The following GRM7 variants were observed in gnomAD, a reference collection of about 807,000 sequenced individuals.
GRM7 encodes metabotropic glutamate receptor 7.
In GRM7, 35 loss-of-function variants were observed where a neutral mutation model predicts 84.5. That is an observed-to-expected ratio of 0.41 (90% confidence interval 0.32 to 0.55). GRM7 has a LOEUF of 0.55. Ranked by LOEUF, GRM7 falls within the 20% of genes least tolerant of loss-of-function variation. The pLI, the probability that GRM7 is intolerant of heterozygous loss-of-function variation, is 0.19. For missense variants in GRM7, 1,003 were observed against 1,194.6 expected, an observed-to-expected ratio of 0.84 and a Z score of 2.36; for synonymous variants, 487 against 455.1, an observed-to-expected ratio of 1.07 and a Z score of -0.89.
chr3:7,691,369 C>A, intron 9 of GRM7: 1 of 661,480 alleles, frequency 1.5e-6, no homozygotes, highest in Non-Finnish European at 2.2e-6. Context: ...CTGGCATGTG[C>A]TATCTTTTTC....
At chr3:7,103,204 A>G (rs1200552018) in intron 1 of GRM7, among the ~76,000 whole-genome samples, 1 of 151,898 alleles carries the variant, frequency 6.6e-6, no homozygotes, top group African/African-American at 2.4e-5. Flanking sequence ...CTAGTATGCT[A>G]GTAAAAATCC....
intron 8 of GRM7, among the ~76,000 whole-genome samples, chr3:7,616,883 C>T (rs1697105957): frequency 6.6e-6 from 1 of 152,070 alleles, no homozygotes; most frequent in Non-Finnish European, 1.5e-5. Flanking sequence ...GGAAAGATTA[C>T]TAGCTCTAAA....
At chr3:7,673,982 T>A (rs1700034010) in intron 8 of GRM7, among the ~76,000 whole-genome samples, 1 of 152,122 alleles carries the variant, frequency 6.6e-6, no homozygotes, top group South Asian at 2.1e-4. Flanking sequence ...GAGCCATAAC[T>A]TCAGAAAGGG....
chr3:6,970,756 G>A (rs1206354893), intron 1 of GRM7, among the ~76,000 whole-genome samples: 1 of 152,176 alleles, frequency 6.6e-6, no homozygotes, highest in Non-Finnish European at 1.5e-5. Context: ...GAGGCGGGCG[G>A]ATCACGAGGT....
intron 7 of GRM7, among the ~76,000 whole-genome samples, chr3:7,470,660 C>A (rs750213895): frequency 7.9e-5 from 12 of 152,074 alleles, no homozygotes; most frequent in Non-Finnish European, 1.5e-4. Context: ...ACTCCAGATT[C>A]TCTGTGGAAA....
intron 1 of GRM7, among the ~76,000 whole-genome samples, chr3:6,948,134 T>G (rs1698161092): frequency 1.3e-5 from 2 of 151,566 alleles, no homozygotes; most frequent in South Asian, 4.2e-4. Context: ...TCTAGTTCTT[T>G]TAATTGTGAT....
rs76711310 is a variant in GRM7 at position 7,668,280 on chromosome 3, G to T, written c.2452-11769G>T. On this transcript the variant is annotated intron_variant, in intron 8 of 9. Coordinates refer to ENST00000357716, the MANE Select transcript of GRM7 (RefSeq NM_000844.4). Reference sequence around the variant, plus strand: ...GTTTTCTGTGATTATGCCAGGCATGGAGCCAAAGATTGGAAATGGAATCTC... The same window carrying T: ...GTTTTCTGTGATTATGCCAGGCATGTAGCCAAAGATTGGAAATGGAATCTC... Among the ~76,000 whole-genome samples, 626 of 152,246 alleles carry T rather than the reference G, an allele frequency of 4.1e-3. 7 individuals are homozygous for T. The highest frequency in any genetic ancestry group is 0.014 in the African/African-American group (592 of 41,544).
At chr3:6,938,204 A>G (rs1697756257) in intron 1 of GRM7, among the ~76,000 whole-genome samples, 1 of 152,210 alleles carries the variant, frequency 6.6e-6, no homozygotes, top group South Asian at 2.1e-4. Context: ...CACCATTTTG[A>G]ACTGAAATTG....
intron 4 of GRM7, among the ~76,000 whole-genome samples, chr3:7,380,351 T>G (rs1694536326): frequency 1.7e-5 from 1 of 57,568 alleles, no homozygotes; most frequent in African/African-American, 7.2e-5. Context: ...CTGCGCATCA[T>G]ATTTAGTTCA....
intron 1 of GRM7, among the ~76,000 whole-genome samples, chr3:6,919,819 A>C (rs1281168523): frequency 6.6e-6 from 1 of 152,118 alleles, no homozygotes; most frequent in Admixed American, 6.6e-5. Flanking sequence ...GATTTGACTA[A>C]AACATACTCC....
intron 2 of GRM7, among the ~76,000 whole-genome samples, chr3:7,185,422 A>G (rs1459629293): frequency 6.6e-6 from 1 of 152,166 alleles, no homozygotes; most frequent in East Asian, 1.9e-4. Flanking sequence ...AGAGCTCAAG[A>G]CAATCTATAC....
chr3:7,578,738 C>G lies in GRM7; in HGVS notation c.1832C>G (p.Thr611Ser). The G allele has an allele frequency of 6.2e-7, 1 of 1,614,154 alleles. No individual in the cohort carries two copies. The highest frequency in any genetic ancestry group is 8.5e-7 in the Non-Finnish European group (1 of 1,180,000). ...ATTGCCACCATCTTTGTCATGGCCA[C>G]TTTCATCCGCTACAATGACACGCCC... ...GIIATIFVMA[T>S]FIRYNDTPIV... The change falls in exon 8 of 10, where the codon ACT (threonine) becomes AGT (serine). Residue 611 changes from threonine (T) to serine (S), a missense_variant. Transcript: ENST00000357716.
At chr3:7,044,570 A>T (rs749545951) in intron 1 of GRM7, among the ~76,000 whole-genome samples, 1 of 152,218 alleles carries the variant, frequency 6.6e-6, no homozygotes, top group Non-Finnish European at 1.5e-5. Context: ...AGAAAGCCGC[A>T]GTGACGTTTT....
At position 7,317,788 on chromosome 3, in the gene GRM7, G is replaced by C. The variant is rs539245659; in HGVS notation, c.1033+11136G>C. On this transcript the variant is annotated intron_variant, in intron 4 of 9. Coordinates refer to ENST00000357716, the MANE Select transcript of GRM7 (RefSeq NM_000844.4). ...TACAAAAAAAAAACTGTGCAAGGTA[G>C]ACAAAAAGAACTTGAAAGACTGCTG... Among the ~76,000 whole-genome samples, 4 of 151,950 alleles carry C rather than the reference G, an allele frequency of 2.6e-5. No homozygotes were observed. The South Asian group carries it at 8.3e-4, about 32-fold the overall frequency.
At chr3:7,644,381 A>C (rs1698525893) in intron 8 of GRM7, among the ~76,000 whole-genome samples, 1 of 151,540 alleles carries the variant, frequency 6.6e-6, no homozygotes, top group African/African-American at 2.4e-5. Context: ...TTCTGATAAT[A>C]TAATTTGCAG....
At chr3:6,997,048 C>G (rs1033553802) in intron 1 of GRM7, among the ~76,000 whole-genome samples, 1 of 152,130 alleles carries the variant, frequency 6.6e-6, no homozygotes, top group African/African-American at 2.4e-5. Context: ...TGTTAGTAAT[C>G]TTAGAATCCT....
chr3:7,184,891 A>G (rs2125100379), intron 2 of GRM7, among the ~76,000 whole-genome samples: 1 of 152,302 alleles, frequency 6.6e-6, no homozygotes, highest in Middle Eastern at 3.4e-3. Flanking sequence ...AATTGCCAGT[A>G]ATAGTAATAA....
chr3:6,921,683 C>A (rs539420316), intron 1 of GRM7, among the ~76,000 whole-genome samples: 2 of 152,118 alleles, frequency 1.3e-5, no homozygotes, highest in Admixed American at 1.3e-4. Flanking sequence ...GAGTAATAGA[C>A]CTCCGAAATG....
chr3:7,255,880 A>G (rs1285529173), intron 2 of GRM7, among the ~76,000 whole-genome samples: 1 of 152,202 alleles, frequency 6.6e-6, no homozygotes. Context: ...GATATCCAAT[A>G]CAGTCTTTCT....
Sources: gnomAD v4.1 joint callset for allele counts (sites outside exome capture counted in the v4.1 genomes callset) on GRCh38, gnomAD v4.1.1 for gene constraint, MANE v1.5 for transcripts, NCBI Gene and HGNC (gene_info 2026-07-23, HGNC 2026-07-21) for gene names.